Variants in NRG1 observed in about 807,000 individuals in gnomAD.
NRG1 encodes the protein neuregulin 1, also known as pro-neuregulin-1, membrane-bound isoform.
Under a neutral mutation model 63.8 loss-of-function variants are expected in NRG1, and 18 were observed. The ratio of observed to expected loss-of-function variants is 0.28; its 90% CI spans 0.19 to 0.42. The LOEUF (loss-of-function observed/expected upper bound fraction) is 0.42, where lower values mean the gene tolerates loss of function less well. Ranked by LOEUF, NRG1 falls within the 10% of genes least tolerant of loss-of-function variation. The pLI is 1.00. For synonymous variants in NRG1, 302 were observed against 301.3 expected (o/e 1.00, Z -0.02); for missense variants, 762 against 814.7 (o/e 0.94, Z 0.79).
intron 1 of NRG1, among the ~76,000 whole-genome samples, chr8:31,915,360 C>T (rs1833292982): frequency 6.6e-6 from 1 of 152,096 alleles, no homozygotes. Context: ...ATACTGTTTT[C>T]ATCCTCATGT....
intron 1 of NRG1, among the ~76,000 whole-genome samples, chr8:32,265,809 C>T (rs1190337042): frequency 2.6e-5 from 4 of 152,070 alleles, no homozygotes; most frequent in African/African-American, 4.8e-5. Context: ...CACCGCTGCA[C>T]TCCAACCTGG....
intron 1 of NRG1, among the ~76,000 whole-genome samples, chr8:31,740,684 TGA>T (rs35666052): frequency 0.22 from 32,129 of 147,924 alleles, 3,770 homozygotes; most frequent in Middle Eastern, 0.27. Context: ...TGTGTGTGTG[TGA>T]GAGAGAGAGA....
intron 1 of NRG1, among the ~76,000 whole-genome samples, chr8:32,336,317 A>C (rs1198472028): frequency 3.3e-5 from 5 of 152,188 alleles, no homozygotes; most frequent in Non-Finnish European, 7.3e-5. Context: ...GTGATGAGTG[A>C]GATGCGGAAA....
chr8:32,060,968 A>G (rs1046559636), intron 1 of NRG1, among the ~76,000 whole-genome samples: 1 of 151,864 alleles, frequency 6.6e-6, no homozygotes, highest in African/African-American at 2.4e-5. Flanking sequence ...TGAACTTCCC[A>G]TCACCTATCT....
intron 1 of NRG1, among the ~76,000 whole-genome samples, chr8:32,453,768 A>G (rs1211093498): frequency 6.6e-6 from 1 of 152,196 alleles, no homozygotes; most frequent in Non-Finnish European, 1.5e-5. Context: ...CATTTATAAT[A>G]ACTGAAGAAA....
At chr8:32,538,247 C>A (rs1279622436) in intron 1 of NRG1, among the ~76,000 whole-genome samples, 1 of 152,058 alleles carries the variant, frequency 6.6e-6, no homozygotes, top group Non-Finnish European at 1.5e-5. Flanking sequence ...TGAGAGGGAG[C>A]CTATCTCAAG....
At chr8:32,325,198 G>A (rs2129477116) in intron 1 of NRG1, among the ~76,000 whole-genome samples, 1 of 152,200 alleles carries the variant, frequency 6.6e-6, no homozygotes, top group African/African-American at 2.4e-5. Context: ...ATCTTCTAGT[G>A]AACCAAGCAA....
intron 5 of NRG1, among the ~76,000 whole-genome samples, chr8:32,689,468 T>A (rs961379768): frequency 6.6e-6 from 1 of 152,188 alleles, no homozygotes; most frequent in African/African-American, 2.4e-5. Flanking sequence ...TGTTGTTGTT[T>A]CTGTTCTTTT....
intron 1 of NRG1, among the ~76,000 whole-genome samples, chr8:31,882,603 T>C (rs1338600783): frequency 6.6e-6 from 1 of 152,132 alleles, no homozygotes; most frequent in African/African-American, 2.4e-5. Flanking sequence ...GAAAAGCTTC[T>C]GGAGAGGATT....
chr8:32,422,775 T>C (rs540971134), intron 1 of NRG1, among the ~76,000 whole-genome samples: 85 of 152,376 alleles, frequency 5.6e-4, no homozygotes, highest in African/African-American at 1.9e-3. Flanking sequence ...CTAATGGTTT[T>C]TGAATTACAT....
At chr8:31,726,318 G>C (rs1163966023) in intron 1 of NRG1, among the ~76,000 whole-genome samples, 2 of 152,136 alleles carry the variant, frequency 1.3e-5, no homozygotes, top group Non-Finnish European at 2.9e-5. Context: ...AGGTTAGACT[G>C]TACAAATGTA....
chr8:31,809,748 T>G (rs966640497), intron 1 of NRG1, among the ~76,000 whole-genome samples: 2 of 148,700 alleles, frequency 1.3e-5, no homozygotes, highest in East Asian at 2.0e-4. Flanking sequence ...ATTGTTTTTT[T>G]TTTTTTTTTT....
intron 5 of NRG1, among the ~76,000 whole-genome samples, chr8:32,698,202 CAAAAA>C (rs113594688): frequency 7.6e-6 from 1 of 131,636 alleles, no homozygotes; most frequent in Non-Finnish European, 1.6e-5. Flanking sequence ...GACTCCATCT[CAAAAA>C]AAAAAAAAAT....
At chr8:32,184,645 G>A (rs1343388590) in intron 1 of NRG1, among the ~76,000 whole-genome samples, 1 of 151,738 alleles carries the variant, frequency 6.6e-6, no homozygotes, top group African/African-American at 2.4e-5. Flanking sequence ...CAAATATGTA[G>A]TAGAGCTAAA....
At position 31,644,266 on chromosome 8, in the gene NRG1, A is replaced by G. The variant is rs189094968; in HGVS notation, c.37+4835A>G. Among the ~76,000 whole-genome samples the G allele has an allele frequency of 1.0e-3, 158 of 152,314 alleles. 1 individual carries two copies. The highest frequency in any genetic ancestry group is 3.6e-3 in the African/African-American group (149 of 41,578). On this transcript the variant is annotated intron_variant, in intron 1 of 10. Coordinates refer to the NRG1 transcript ENST00000519301. ...TTTGTGACTGCTCTTTTTAAACTTT[A>G]TAAATCTTGCTGTCAAAAATCTATA...
chr8:32,233,896 T>C (rs1847269952), intron 1 of NRG1, among the ~76,000 whole-genome samples: 1 of 152,124 alleles, frequency 6.6e-6, no homozygotes, highest in Admixed American at 6.6e-5. Context: ...TATGTGTTCA[T>C]ATAAGCAGTA....
At chr8:31,897,736 C>G (rs987261968) in intron 1 of NRG1, among the ~76,000 whole-genome samples, 1 of 151,972 alleles carries the variant, frequency 6.6e-6, no homozygotes, top group Admixed American at 6.6e-5. Flanking sequence ...TGAAGCTGTC[C>G]GGGCATAGTG....
intron 1 of NRG1, among the ~76,000 whole-genome samples, chr8:32,332,336 T>G (rs1269043996): frequency 6.6e-6 from 1 of 152,130 alleles, no homozygotes; most frequent in Non-Finnish European, 1.5e-5. Context: ...CCACTTTCTC[T>G]CTGGCCAAGT....
chr8:31,922,231 G>A (rs1306050371), intron 1 of NRG1, among the ~76,000 whole-genome samples: 1 of 152,156 alleles, frequency 6.6e-6, no homozygotes, highest in African/African-American at 2.4e-5. Context: ...CATGGTGGCT[G>A]TGGTGGTCAA....
Sources: gnomAD v4.1 joint callset for allele counts (sites outside exome capture counted in the v4.1 genomes callset) on GRCh38, gnomAD v4.1.1 for gene constraint, MANE v1.5 for transcripts, NCBI Gene and HGNC (gene_info 2026-07-23, HGNC 2026-07-21) for gene names.